PSMD9: variants seen among roughly 807,000 people sequenced by gnomAD.
PSMD9 encodes proteasome 26S subunit, non-ATPase 9, also known as 26S proteasome non-ATPase regulatory subunit 9.
A neutral mutation model predicts 25.9 loss-of-function variants in PSMD9; 26 were observed. The observed-to-expected ratio is 1.00, with a 90% CI of 0.73 to 1.39. The LOEUF (loss-of-function observed/expected upper bound fraction) is 1.39. PSMD9 is among the 40% of genes most tolerant of loss of function. PSMD9 has a pLI of 0.00. For missense variants in PSMD9, 303 were observed against 299.3 expected (o/e 1.01, Z -0.09); for synonymous variants, 110 against 114.5 (o/e 0.96, Z 0.25).
At chr12:121,906,800 C>T (rs1258622258) in intron 4 of PSMD9, among the ~76,000 whole-genome samples, 1 of 148,460 alleles carries the variant, frequency 6.7e-6, no homozygotes, top group Middle Eastern at 3.4e-3. Context: ...GGCCGCACAG[C>T]GAGACTCTCC....
chr12:121,891,034 G>T (rs1301078610), intron 1 of PSMD9, among the ~76,000 whole-genome samples: 3 of 136,326 alleles, frequency 2.2e-5, no homozygotes, highest in Non-Finnish European at 3.2e-5. Flanking sequence ...ATCACCTGAG[G>T]CCAGGATGGT....
intron 1 of PSMD9, 31 bp downstream of exon 1, chr12:121,889,025 C>T (rs1472592796): frequency 1.9e-6 from 3 of 1,562,042 alleles, no homozygotes; most frequent in Non-Finnish European, 2.6e-6. Context: ...CCCCAAGTCG[C>T]CTAACCCGGC....
At chr12:121,889,705 T>C (rs1297804210) in intron 1 of PSMD9, among the ~76,000 whole-genome samples, 1 of 152,162 alleles carries the variant, frequency 6.6e-6, no homozygotes, top group East Asian at 1.9e-4. Context: ...TCATCCTTAT[T>C]GCATAAGGAG....
At chr12:121,916,008 C>G in intron 5 of PSMD9, 64 bp downstream of exon 5, 1 of 1,517,280 alleles carries the variant, frequency 6.6e-7, no homozygotes, top group African/African-American at 1.4e-5. Context: ...AAACATGAAG[C>G]TGGAGGGGAA....
chr12:121,915,811 A>C (rs1264968827), intron 4 of PSMD9, 45 bp from the exon 5 acceptor site: 1 of 1,496,098 alleles, frequency 6.7e-7, no homozygotes, highest in Non-Finnish European at 9.2e-7. Context: ...TGCATCTCTG[A>C]GTACTAACGA....
intron 4 of PSMD9, chr12:121,910,988 C>T (rs1421504411): frequency 4.4e-6 from 2 of 456,514 alleles, no homozygotes; most frequent in Non-Finnish European, 8.8e-6. Flanking sequence ...AATTTGACTA[C>T]TCCAGGGACC....
In PSMD9 at chr12:121,917,649, C is replaced by T. The variant is rs999089269; in HGVS notation, c.*1338C>T. The T allele has an allele frequency of 3.9e-5, 6 of 152,214 alleles. No individual in the cohort carries two copies. Among genetic ancestry groups the T allele is most frequent in the African/African-American group, 1.4e-4 (6 of 41,446 alleles). 9.4% of individuals were successfully genotyped at this position (152,214 alleles called of 1,614,324 possible). A position where few individuals can be genotyped will look rare whatever the true frequency, so the allele number is the denominator to read the frequency against. On this transcript the variant is annotated 3_prime_UTR_variant, in exon 6 of 6. Coordinates refer to ENST00000541212, the MANE Select transcript of PSMD9 (RefSeq NM_002813.7). ...TGGGATTGGTATTGCTGTGTGCTTC[C>T]AGCCACAGGTTCTCACACTCAATTC... is the stretch of plus-strand genomic sequence containing the variant.
intron 4 of PSMD9, among the ~76,000 whole-genome samples, chr12:121,905,903 A>G (rs1000450189): frequency 7.2e-5 from 11 of 151,780 alleles, no homozygotes; most frequent in African/African-American, 2.7e-4. Flanking sequence ...GCATTCCAAC[A>G]CCCCATAAAA....
chr12:121,905,066 C>G (rs1879514446), intron 4 of PSMD9, among the ~76,000 whole-genome samples: 1 of 151,864 alleles, frequency 6.6e-6, no homozygotes, highest in Non-Finnish European at 1.5e-5. Context: ...ACTTCTCCTC[C>G]TGAGGCAGCC....
chr12:121,891,842 G>A (rs1879090373), intron 1 of PSMD9, among the ~76,000 whole-genome samples: 2 of 144,774 alleles, frequency 1.4e-5, no homozygotes, highest in African/African-American at 5.2e-5. Context: ...GGAGGCGGAG[G>A]TTGCAGTGAA....
chr12:121,912,028 T>C (rs976038372), intron 4 of PSMD9, among the ~76,000 whole-genome samples: 6 of 148,680 alleles, frequency 4.0e-5, no homozygotes, highest in African/African-American at 1.5e-4. Flanking sequence ...TTTATTTATT[T>C]ATTTATTTAT....
At chr12:121,896,976 T>C (rs746995354) in intron 2 of PSMD9, among the ~76,000 whole-genome samples, 2 of 142,504 alleles carry the variant, frequency 1.4e-5, no homozygotes, top group East Asian at 2.4e-4. Context: ...TGTAAATATA[T>C]ACACACATAC....
chr12:121,900,872 C>T (rs2135723942), intron 3 of PSMD9, among the ~76,000 whole-genome samples: 1 of 151,512 alleles, frequency 6.6e-6, no homozygotes, highest in South Asian at 2.1e-4. Flanking sequence ...GTAATCCCAG[C>T]TACTCGGGAG....
intron 4 of PSMD9, among the ~76,000 whole-genome samples, chr12:121,913,526 CTG>C (rs1879801793): frequency 6.8e-6 from 1 of 146,178 alleles, no homozygotes; most frequent in Non-Finnish European, 1.5e-5. Flanking sequence ...GAATCTCACT[CTG>C]TCACCCAGGC....
At chr12:121,911,416 G>C (rs967662522) in intron 4 of PSMD9, among the ~76,000 whole-genome samples, 1 of 152,074 alleles carries the variant, frequency 6.6e-6, no homozygotes, top group African/African-American at 2.4e-5. Flanking sequence ...CCTTTTAAAG[G>C]CTGTATAATA....
chr12:121,915,581 C>T (rs1879871120), intron 4 of PSMD9: 4 of 386,358 alleles, frequency 1.0e-5, no homozygotes, highest in Non-Finnish European at 1.8e-5. Flanking sequence ...ATTTGTATGT[C>T]ATCTTGCAAT....
chr12:121,911,318 G>A (rs1001972514), intron 4 of PSMD9, among the ~76,000 whole-genome samples: 1 of 152,152 alleles, frequency 6.6e-6, no homozygotes, highest in Non-Finnish European at 1.5e-5. Flanking sequence ...GGGATTACAG[G>A]ACACTGTATA....
In PSMD9 at chr12:121,894,794, C is replaced by T; in HGVS notation, c.194C>T (p.Ser65Leu). 5.0e-6 allele frequency: 8 copies of T among 1,614,118 alleles called. No individual in the cohort carries two copies. Among genetic ancestry groups the T allele is most frequent in the Non-Finnish European group, 5.9e-6 (7 of 1,180,026 alleles). Residue 65 changes from serine to leucine, a missense_variant, in exon 2 of 6, where the codon TCA (serine) becomes TTA (leucine). By Grantham distance (145) the Ser-to-Leu change is moderately radical (BLOSUM62 -2). Transcript: ENST00000541212. ...GTGGACTGTGAGGGCTACCCCCGGT[C>T]AGACGTGGACCTGTACCAAGTCCGC... is the stretch of plus-strand genomic sequence containing the variant. ...PLVDCEGYPR[S>L]DVDLYQVRTA... is the part of the protein sequence containing the mutation.
chr12:121,895,388 G>A (rs1213963209), intron 2 of PSMD9, among the ~76,000 whole-genome samples: 5 of 152,088 alleles, frequency 3.3e-5, no homozygotes, highest in Admixed American at 6.6e-5. Context: ...AACAAATGAC[G>A]TGATTTGTTT....
Sources: allele counts gnomAD v4.1 joint callset (sites outside exome capture counted in the v4.1 genomes callset), GRCh38; gene constraint gnomAD v4.1.1; transcripts MANE v1.5; gene names NCBI Gene and HGNC (gene_info 2026-07-23, HGNC 2026-07-21).